The following ALMS1 variants were observed in gnomAD, a reference collection of about 807,000 sequenced individuals.
ALMS1 encodes the protein centrosome-associated protein ALMS1.
ALMS1 carries 271 observed loss-of-function variants against 352.2 expected under a neutral mutation model. The ratio of observed to expected loss-of-function variants is 0.77; its 90% CI spans 0.70 to 0.85. The LOEUF (loss-of-function observed/expected upper bound fraction) is 0.85. ALMS1 is among the 40% of genes least tolerant of loss of function. ALMS1 has a pLI of 0.00. For missense variants in ALMS1, 5,445 were observed against 4,870.7 expected, an observed-to-expected ratio of 1.12 and a Z score of -3.51; for synonymous variants, 1,865 against 1,761.2, an observed-to-expected ratio of 1.06 and a Z score of -1.48.
chr2:73,482,401 A>C (rs1318158853), intron 9 of ALMS1, among the ~76,000 whole-genome samples: 2 of 152,140 alleles, frequency 1.3e-5, no homozygotes, highest in Non-Finnish European at 2.9e-5. Flanking sequence ...CATATATTGA[A>C]CCAGCCTTGC....
intron 2 of ALMS1, among the ~76,000 whole-genome samples, chr2:73,410,312 C>A (rs1413162813): frequency 1.3e-5 from 2 of 152,080 alleles, no homozygotes; most frequent in Non-Finnish European, 2.9e-5. Flanking sequence ...TCGCTTGAAC[C>A]CAGGAGGTGG....
chr2:73,476,673 A>G (rs1672590164), intron 9 of ALMS1, among the ~76,000 whole-genome samples: 1 of 151,842 alleles, frequency 6.6e-6, no homozygotes, highest in Non-Finnish European at 1.5e-5. Flanking sequence ...ATGATTAGTA[A>G]TATTGAGCTT....
intron 2 of ALMS1, among the ~76,000 whole-genome samples, chr2:73,417,208 C>T (rs146321749): frequency 6.6e-6 from 1 of 151,942 alleles, no homozygotes; most frequent in Non-Finnish European, 1.5e-5. Context: ...AGATATATTC[C>T]TAGTAAATAG....
At position 73,450,687 on chromosome 2, in the gene ALMS1, A is replaced by C. The variant is rs1264554750; in HGVS notation, c.4160A>C (p.Lys1387Thr). 1.6e-5 allele frequency: 26 copies of C among 1,612,914 alleles called. No individual in the cohort carries two copies. Among genetic ancestry groups the C allele is most frequent in the Non-Finnish European group, 2.2e-5 (26 of 1,179,634 alleles). ...TSTSYSQHTE[K>T]PSIFYQQSLP... ...ACTTCTTACTCACAACATACAGAGAAGCCGAGTATTTTCTACCAACAGTCG... is the reference window on the plus strand; with the variant it reads ...ACTTCTTACTCACAACATACAGAGACGCCGAGTATTTTCTACCAACAGTCG... The change falls in exon 8 of 23, where the codon AAG (lysine) becomes ACG (threonine). Residue 1387 changes from lysine (K) to threonine (T), a missense_variant. By Grantham distance (78) the Lys-to-Thr change is moderately conservative (BLOSUM62 -1). Transcript: ENST00000613296.
At position 73,573,278 on chromosome 2, in the gene ALMS1, T is replaced by A. The variant is rs780494417; in HGVS notation, c.11401T>A (p.Leu3801Met). 5 of 1,613,972 alleles carry A rather than the reference T, an allele frequency of 3.1e-6. No homozygotes were observed. The African/African-American group carries it at 6.7e-5, about 22-fold the overall frequency. The change falls in exon 16 of 23, where the codon TTG becomes ATG. Residue 3801 changes from leucine to methionine, a missense_variant. Leu to Met is a conservative substitution (Grantham distance 15). Transcript: ENST00000613296. ...AGCTTTTGGCCATGAAAGAGTATGCTTGTCACCCAGACGAATTAAATTATA... is the reference window on the plus strand; with the variant it reads ...AGCTTTTGGCCATGAAAGAGTATGCATGTCACCCAGACGAATTAAATTATA... The part of the protein sequence containing the change: ...IQAFGHERVC[L>M]SPRRIKLYSS...
At chr2:73,519,732 G>A in intron 10 of ALMS1, 43 bp from the exon 11 acceptor site, 3 of 1,612,372 alleles carry the variant, frequency 1.9e-6, no homozygotes, top group Middle Eastern at 1.8e-4. Flanking sequence ...GTCTCTAATG[G>A]CCAAGGATAT....
intron 1 of ALMS1, among the ~76,000 whole-genome samples, chr2:73,400,978 G>A (rs763249247): frequency 1.4e-4 from 21 of 152,044 alleles, no homozygotes; most frequent in Admixed American, 3.9e-4. Context: ...GTAGATTTAG[G>A]GTTTCGCCAC....
chr2:73,505,300 G>C lies in ALMS1; in HGVS notation c.9539+13802G>C, dbSNP rs559413872. Among the ~76,000 whole-genome samples, 11 of 152,316 alleles carry C rather than the reference G, an allele frequency of 7.2e-5. No individual in the cohort carries two copies. In the South Asian group the frequency reaches 1.7e-3, roughly 23 times the overall value. ...TAAATCCTTGAGGAATCACCACACTGTCTTCCACAATGGTTGAACTAATTT... is the reference window on the plus strand; with the variant it reads ...TAAATCCTTGAGGAATCACCACACTCTCTTCCACAATGGTTGAACTAATTT... On this transcript the variant is annotated intron_variant, in intron 10 of 22. Coordinates refer to ENST00000613296, the MANE Select transcript of ALMS1 (RefSeq NM_001378454.1).
chr2:73,493,420 C>A (rs1024859528), intron 10 of ALMS1, among the ~76,000 whole-genome samples: 14 of 150,564 alleles, frequency 9.3e-5, no homozygotes, highest in African/African-American at 2.7e-4. Context: ...ATATATAATA[C>A]CTTATAAAAT....
Position 73,491,057 on chromosome 2 carries a change from C to G in ALMS1, c.9098C>G (p.Ser3033Cys). ...SAPNHCTLAA[S>C]ASTPPSNRKA... is the part of the protein sequence containing the mutation. ...CCAAATCACTGTACATTAGCAGCAT[C>G]TGCATCTACTCCTCCTTCAAATAGA... Residue 3033 changes from serine (S) to cysteine (C), a missense_variant, in exon 10 of 23, where the codon TCT becomes TGT. Ser to Cys is a moderately radical substitution (Grantham distance 112, BLOSUM62 -1). Coordinates refer to ENST00000613296, the MANE Select transcript of ALMS1 (RefSeq NM_001378454.1). The G allele has an allele frequency of 6.2e-7, 1 of 1,614,224 alleles. No individual in the cohort carries two copies. Among genetic ancestry groups the G allele is most frequent in the Non-Finnish European group, 8.5e-7 (1 of 1,180,040 alleles).
Position 73,572,650 on chromosome 2 carries a change from A to T in ALMS1, c.10773A>T (p.Thr3591=). The change falls in exon 16 of 23, where the codon ACA becomes ACT. Residue 3591 remains threonine (T), a synonymous_variant. Transcript: ENST00000613296. ...QRDQKVTPEQ[T]TQHTVSLNEL... is the part of the protein sequence containing the mutation. ...ATCAGAAGGTCACCCCAGAGCAAAC[A>T]ACTCAGCACACTGTGAGTTTGAATG... 1.2e-6 allele frequency: 2 copies of T among 1,614,086 alleles called. No homozygotes were observed. Among genetic ancestry groups the T allele is most frequent in the Non-Finnish European group, 1.7e-6 (2 of 1,179,984 alleles).
chr2:73,558,927 A>T (rs772619942), intron 14 of ALMS1, 45 bp from the exon 15 acceptor site: 5 of 1,601,672 alleles, frequency 3.1e-6, no homozygotes, highest in Non-Finnish European at 3.4e-6. Flanking sequence ...AAAATCTTTT[A>T]TGTCAAGTTC....
chr2:73,521,576 AAT>A (rs1463698073), intron 11 of ALMS1, among the ~76,000 whole-genome samples: 4 of 124,312 alleles, frequency 3.2e-5, no homozygotes, highest in African/African-American at 1.7e-4. Flanking sequence ...CTCTACTAAA[AAT>A]ACAAAAAAAA....
At chr2:73,558,315 T>C (rs1213602348) in intron 14 of ALMS1, among the ~76,000 whole-genome samples, 1 of 152,230 alleles carries the variant, frequency 6.6e-6, no homozygotes, top group African/African-American at 2.4e-5. Flanking sequence ...CTTCTTTAGG[T>C]ATTGCTTGTT....
At chr2:73,546,159 A>T (rs1407705326) in intron 12 of ALMS1, among the ~76,000 whole-genome samples, 1 of 152,170 alleles carries the variant, frequency 6.6e-6, no homozygotes, top group African/African-American at 2.4e-5. Context: ...TTTTCACCTC[A>T]CATGCTGACT....
At chr2:73,392,824 T>C (rs1670678476) in intron 1 of ALMS1, among the ~76,000 whole-genome samples, 1 of 152,216 alleles carries the variant, frequency 6.6e-6, no homozygotes, top group South Asian at 2.1e-4. Flanking sequence ...TATAAGTGTA[T>C]GTGTGGACAT....
At position 73,453,129 on chromosome 2, in the gene ALMS1, A is replaced by T; in HGVS notation, c.6602A>T (p.His2201Leu). ...HGENHKLVSEHVQRLIDNLNS... is the reference protein window; with the variant it reads ...HGENHKLVSELVQRLIDNLNS... ...GAGAATCACAAGCTTGTTTCAGAAC[A>T]TGTCCAAAGGCTAATAGATAATTTG... Residue 2201 changes from histidine to leucine, a missense_variant, in exon 8 of 23, where the codon CAT becomes CTT. Coordinates refer to ENST00000613296, the MANE Select transcript of ALMS1 (RefSeq NM_001378454.1). 1 of 1,614,088 alleles carries T rather than the reference A, an allele frequency of 6.2e-7. No individual in the cohort carries two copies. The highest frequency in any genetic ancestry group is 8.5e-7 in the Non-Finnish European group (1 of 1,179,982).
intron 10 of ALMS1, among the ~76,000 whole-genome samples, chr2:73,516,871 A>G (rs1673567789): frequency 6.6e-6 from 1 of 152,100 alleles, no homozygotes; most frequent in African/African-American, 2.4e-5. Flanking sequence ...CTCTCCCTCA[A>G]GCATTAGTTA....
chr2:73,493,900 T>C (rs1402277658), intron 10 of ALMS1, among the ~76,000 whole-genome samples: 1 of 152,220 alleles, frequency 6.6e-6, no homozygotes, highest in Non-Finnish European at 1.5e-5. Context: ...AGCAACTTAA[T>C]AAACGTGAAA....
Sources: gnomAD v4.1 joint callset for allele counts (sites outside exome capture counted in the v4.1 genomes callset) on GRCh38, gnomAD v4.1.1 for gene constraint, MANE v1.5 for transcripts, NCBI Gene and HGNC (gene_info 2026-07-23, HGNC 2026-07-21) for gene names.